SORCS3: variants seen among roughly 807,000 people sequenced by gnomAD.
SORCS3 encodes VPS10 domain-containing receptor SorCS3.
Under a neutral mutation model 146.3 loss-of-function variants are expected in SORCS3, and 57 were observed. That is an observed-to-expected ratio of 0.39 (90% CI 0.31 to 0.49). The LOEUF (loss-of-function observed/expected upper bound fraction) is 0.49, where lower values mean the gene tolerates loss of function less well. Among genes scored for constraint, SORCS3 ranks in the 20% least tolerant of loss-of-function variants. The pLI, the probability that SORCS3 is intolerant of heterozygous loss-of-function variation, is 0.92. For synonymous variants in SORCS3, 653 were observed against 618.5 expected (o/e 1.06, Z -0.83); for missense variants, 1,341 against 1,575.5 (o/e 0.85, Z 2.52).
chr10:104,923,998 T>G (rs1029319251), intron 3 of SORCS3, among the ~76,000 whole-genome samples: 1 of 152,190 alleles, frequency 6.6e-6, no homozygotes, highest in Non-Finnish European at 1.5e-5. Context: ...CAACAGAAAC[T>G]CTATGATGTT....
At chr10:104,725,249 C>G (rs1347561948) in intron 1 of SORCS3, among the ~76,000 whole-genome samples, 1 of 152,154 alleles carries the variant, frequency 6.6e-6, no homozygotes, top group Non-Finnish European at 1.5e-5. Context: ...CACTCCAGAC[C>G]CTGTTTGCCT....
Position 105,262,496 on chromosome 10 carries a change from A to G in SORCS3, c.3604+5A>G, listed in dbSNP as rs761773263. ...AGCTGGACACGCGGGTCATAGGTAC[A>G]TGCTCCTGCTCCACTAAGCTCCCCT... On this transcript the variant is annotated splice_donor_5th_base_variant and intron_variant, in intron 26 of 26. Transcript: ENST00000369701. 7 of 1,612,292 alleles carry G rather than the reference A, an allele frequency of 4.3e-6. No individual in the cohort carries two copies. The highest frequency in any genetic ancestry group is 3.3e-5 in the South Asian group (3 of 91,008).
At chr10:104,867,196 T>C (rs1325680731) in intron 2 of SORCS3, among the ~76,000 whole-genome samples, 4 of 54,726 alleles carry the variant, frequency 7.3e-5, no homozygotes, top group Admixed American at 2.0e-4. Context: ...TGGGTGGGCT[T>C]GGGAGAGGAG....
chr10:104,741,699 G>GTTTTT (rs2016844335), intron 1 of SORCS3, among the ~76,000 whole-genome samples: 1 of 7,862 alleles, frequency 1.3e-4, no homozygotes, highest in Non-Finnish European at 2.5e-4. Flanking sequence ...TTCCATTCTG[G>GTTTTT]GTTTTTTTTT....
At chr10:105,251,850 C>T (rs1424184107) in intron 22 of SORCS3, among the ~76,000 whole-genome samples, 1 of 152,146 alleles carries the variant, frequency 6.6e-6, no homozygotes, top group Non-Finnish European at 1.5e-5. Context: ...GTATTCTCAG[C>T]CTCTTAACCA....
intron 1 of SORCS3, among the ~76,000 whole-genome samples, chr10:104,744,622 G>A (rs2016886373): frequency 6.6e-6 from 1 of 152,100 alleles, no homozygotes; most frequent in South Asian, 2.1e-4. Context: ...TTGAAATTAG[G>A]TCTGTCTGTT....
At chr10:104,741,395 G>A (rs772908988) in intron 1 of SORCS3, among the ~76,000 whole-genome samples, 5 of 151,980 alleles carry the variant, frequency 3.3e-5, no homozygotes, top group African/African-American at 7.2e-5. Context: ...ACAGTTACTC[G>A]GAGCAGAGGC....
At chr10:104,978,156 T>A (rs1037771475) in intron 4 of SORCS3, among the ~76,000 whole-genome samples, 1 of 152,204 alleles carries the variant, frequency 6.6e-6, no homozygotes, top group Non-Finnish European at 1.5e-5. Context: ...AAGCTATGGC[T>A]TATTCAAACC....
chr10:105,029,264 G>A (rs1371773108), intron 4 of SORCS3, among the ~76,000 whole-genome samples: 1 of 152,188 alleles, frequency 6.6e-6, no homozygotes, highest in Non-Finnish European at 1.5e-5. Context: ...GATCATTAAA[G>A]CCATGGGTAG....
chr10:105,022,815 TTTAAAACAGGACTTGAG>T (rs1374592257), intron 4 of SORCS3, among the ~76,000 whole-genome samples: 1 of 152,198 alleles, frequency 6.6e-6, no homozygotes, highest in Admixed American at 6.5e-5. Flanking sequence ...AACATGGAGT[TTTAAAACAGGACTTGAG>T]TTAAAACAGG....
chr10:104,706,272 A>G (rs2016336613), intron 1 of SORCS3, among the ~76,000 whole-genome samples: 2 of 131,802 alleles, frequency 1.5e-5, no homozygotes, highest in Admixed American at 9.4e-5. Flanking sequence ...CAGTGGCACC[A>G]TCTCAGCTCA....
intron 4 of SORCS3, among the ~76,000 whole-genome samples, chr10:104,987,247 A>C (rs2054967737): frequency 6.6e-6 from 1 of 152,136 alleles, no homozygotes; most frequent in South Asian, 2.1e-4. Flanking sequence ...GAGAAAAATT[A>C]TTTTAAAGAA....
At chr10:104,862,794 A>T (rs2018419064) in intron 2 of SORCS3, among the ~76,000 whole-genome samples, 1 of 152,142 alleles carries the variant, frequency 6.6e-6, no homozygotes, top group Non-Finnish European at 1.5e-5. Flanking sequence ...AAAGTAAGGG[A>T]TCAGGAAGTA....
At chr10:104,835,224 C>T (rs1229807573) in intron 1 of SORCS3, among the ~76,000 whole-genome samples, 2 of 152,102 alleles carry the variant, frequency 1.3e-5, no homozygotes, top group Non-Finnish European at 2.9e-5. Context: ...GAGGAAGATG[C>T]CAAGACTCAC....
Position 105,147,646 on chromosome 10 carries a change from C to G in SORCS3, c.1332C>G (p.Asn444Lys). The change falls in exon 9 of 27, where the codon AAC becomes AAG. Residue 444 changes from asparagine to lysine, a missense_variant. Transcript: ENST00000369701. ...KDMHIISTDE[N>K]QVFAAVQEWN... is the part of the protein sequence containing the mutation. The stretch of plus-strand genomic sequence containing the variant: ...TGCACATCATCAGTACAGACGAGAA[C>G]CAAGTATTTGCTGCGGTCCAAGAAT... The G allele has an allele frequency of 6.2e-7, 1 of 1,612,752 alleles. No homozygotes were observed. Among genetic ancestry groups the G allele is most frequent in the Non-Finnish European group, 8.5e-7 (1 of 1,179,114 alleles).
intron 8 of SORCS3, among the ~76,000 whole-genome samples, chr10:105,144,252 T>C (rs890918114): frequency 2.0e-5 from 3 of 152,108 alleles, no homozygotes; most frequent in Admixed American, 1.3e-4. Flanking sequence ...CTCTAAGCAT[T>C]TGTACTCCAG....
At chr10:104,999,494 A>G (rs1013158074) in intron 4 of SORCS3, among the ~76,000 whole-genome samples, 3 of 152,130 alleles carry the variant, frequency 2.0e-5, no homozygotes, top group Non-Finnish European at 2.9e-5. Context: ...CTTATTCACT[A>G]CCTTGTTCAA....
intron 13 of SORCS3, among the ~76,000 whole-genome samples, chr10:105,168,126 A>C (rs113909474): frequency 3.3e-5 from 5 of 152,300 alleles, no homozygotes; most frequent in African/African-American, 9.6e-5. Flanking sequence ...GATTTTTGTC[A>C]GAGTAGAATT....
chr10:105,191,177 G>C (rs2056514892), intron 14 of SORCS3, among the ~76,000 whole-genome samples: 1 of 152,192 alleles, frequency 6.6e-6, no homozygotes, highest in Non-Finnish European at 1.5e-5. Flanking sequence ...ATCTAGCAAA[G>C]AGAATAAGAC....
Sources: allele counts gnomAD v4.1 joint callset (sites outside exome capture counted in the v4.1 genomes callset), GRCh38; gene constraint gnomAD v4.1.1; transcripts MANE v1.5; gene names NCBI Gene and HGNC (gene_info 2026-07-23, HGNC 2026-07-21).